Variants in ROBO1 observed in about 807,000 individuals in gnomAD.
ROBO1 encodes the protein roundabout guidance receptor 1.
A neutral mutation model predicts 195.9 loss-of-function variants in ROBO1; 149 were observed. The ratio of observed to expected loss-of-function variants is 0.76; its 90% CI spans 0.67 to 0.87. The LOEUF (loss-of-function observed/expected upper bound fraction) is 0.87. ROBO1 is among the 40% of genes least tolerant of loss of function. ROBO1 has a pLI of 0.00. For missense variants in ROBO1, 1,933 were observed against 2,068.3 expected, an observed-to-expected ratio of 0.93 and a Z score of 1.27; for synonymous variants, 816 against 733.2, an observed-to-expected ratio of 1.11 and a Z score of -1.82.
intron 2 of ROBO1, among the ~76,000 whole-genome samples, chr3:79,443,217 A>C (rs1249380853): frequency 3.9e-5 from 6 of 152,192 alleles, no homozygotes; most frequent in Non-Finnish European, 8.8e-5. Context: ...CCGAGGTTTA[A>C]GCCACTTGAA....
At chr3:78,933,759 T>A (rs1247523779) in intron 4 of ROBO1, among the ~76,000 whole-genome samples, 3 of 151,954 alleles carry the variant, frequency 2.0e-5, no homozygotes, top group Non-Finnish European at 4.4e-5. Context: ...AGTGGACAAA[T>A]ATAAATTGAA....
At chr3:79,133,742 TGGA>T (rs1216410798) in intron 2 of ROBO1, among the ~76,000 whole-genome samples, 2 of 121,388 alleles carry the variant, frequency 1.6e-5, no homozygotes, top group African/African-American at 6.5e-5. Flanking sequence ...TGCGTTCCTT[TGGA>T]GGAGGAGAGG....
intron 4 of ROBO1, among the ~76,000 whole-genome samples, chr3:78,799,240 A>T (rs1384244358): frequency 6.6e-6 from 1 of 152,056 alleles, no homozygotes; most frequent in Admixed American, 6.5e-5. Flanking sequence ...GACTTTAAAC[A>T]CTCAGTACCA....
intron 4 of ROBO1, among the ~76,000 whole-genome samples, chr3:78,866,643 A>C (rs2035200724): frequency 6.6e-6 from 1 of 152,190 alleles, no homozygotes; most frequent in Admixed American, 6.5e-5. Context: ...AGGTGACTAA[A>C]ATGAAATACA....
chr3:78,627,456 G>A lies in ROBO1; in HGVS notation c.3740C>T (p.Ala1247Val). Reference protein sequence around the residue: ...RGPTPPVRGAASSPAAVSYSH... With the variant: ...RGPTPPVRGAVSSPAAVSYSH... ...ATAGGACACGGCAGCTGGAGAAGAA[G>A]CTGCTCCCCGAACAGGGGGAGTGGG... Residue 1247 changes from alanine to valine, a missense_variant, in exon 26 of 31, where the codon GCT becomes GTT. This residue lies in a region of ROBO1 where 1,737 missense variants were observed against 1,882.5 expected (regional missense o/e 0.92). Coordinates refer to ENST00000464233, the MANE Select transcript of ROBO1 (RefSeq NM_002941.4). 6.2e-7 allele frequency: 1 copy of A among 1,613,090 alleles called. No individual in the cohort carries two copies. Among genetic ancestry groups the A allele is most frequent in the East Asian group, 2.2e-5 (1 of 44,732 alleles).
chr3:79,461,148 C>A (rs1301444015), intron 2 of ROBO1, among the ~76,000 whole-genome samples: 1 of 151,998 alleles, frequency 6.6e-6, no homozygotes, highest in Non-Finnish European at 1.5e-5. Context: ...TAAGTTGTAA[C>A]CAAAAGTCTG....
At chr3:79,038,376 G>T (rs963610843) in intron 3 of ROBO1, among the ~76,000 whole-genome samples, 3 of 152,144 alleles carry the variant, frequency 2.0e-5, no homozygotes, top group African/African-American at 7.2e-5. Context: ...GTCCATCTAT[G>T]ATTTGGTCTA....
At chr3:78,623,671 A>G (rs527400680) in intron 26 of ROBO1, among the ~76,000 whole-genome samples, 17 of 152,204 alleles carry the variant, frequency 1.1e-4, no homozygotes, top group Non-Finnish European at 2.5e-4. Context: ...GGCTGAAGCA[A>G]CAAGACCACT....
chr3:78,751,234 T>C (rs1365320147), intron 4 of ROBO1, among the ~76,000 whole-genome samples: 3 of 152,072 alleles, frequency 2.0e-5, no homozygotes, highest in Admixed American at 2.0e-4. Flanking sequence ...ATCTGCACTT[T>C]TTTGTTTTAG....
intron 2 of ROBO1, among the ~76,000 whole-genome samples, chr3:79,537,025 A>G (rs1941894683): frequency 8.5e-6 from 1 of 117,106 alleles, no homozygotes; most frequent in African/African-American, 3.2e-5. Flanking sequence ...TACTCACAGT[A>G]AAAGAAACAA....
rs576451161 is a variant in ROBO1, at chr3:79,244,345, T to C, written c.89-118806A>G. ...CAATGAAATAGTAAGTGAAAGGAAG[T>C]GACAAACAAAATTTCACACTGACAG... On this transcript the variant is annotated intron_variant, in intron 2 of 30. Transcript: ENST00000464233. Among the ~76,000 whole-genome samples the C allele has an allele frequency of 9.9e-4, 151 of 152,172 alleles. 1 individual carries two copies. The highest frequency in any genetic ancestry group is 3.0e-3 in the African/African-American group (125 of 41,542).
chr3:79,730,012 T>G (rs1313372213), intron 1 of ROBO1, among the ~76,000 whole-genome samples: 1 of 152,218 alleles, frequency 6.6e-6, no homozygotes. Flanking sequence ...ATTAGAGAGA[T>G]AATTATATTG....
At chr3:78,711,070 T>C (rs2081674497) in intron 8 of ROBO1, among the ~76,000 whole-genome samples, 1 of 152,182 alleles carries the variant, frequency 6.6e-6, no homozygotes, top group Non-Finnish European at 1.5e-5. Flanking sequence ...ATATTTAAAG[T>C]ATACAACATG....
At chr3:79,285,331 A>C (rs2031819756) in intron 2 of ROBO1, among the ~76,000 whole-genome samples, 1 of 152,210 alleles carries the variant, frequency 6.6e-6, no homozygotes, top group Admixed American at 6.5e-5. Flanking sequence ...GTTTTCCTTA[A>C]CGTATTGCTT....
rs138253452 is a variant in ROBO1, at chr3:79,589,817, C to A, written c.88+7G>T. The A allele has an allele frequency of 5.6e-4, 892 of 1,606,768 alleles. 7 individuals carry two copies. In the South Asian group the frequency reaches 7.8e-3, roughly 14 times the overall value. On this transcript the variant is annotated splice_region_variant and intron_variant, in intron 2 of 30. Coordinates refer to ENST00000464233, the MANE Select transcript of ROBO1 (RefSeq NM_002941.4). ...AAGTATTGATGAAACAAATGCACAG[C>A]ACTTACCTGGAATAAGCTGGGCCAG...
At chr3:79,565,826 A>C (rs775389399) in intron 2 of ROBO1, among the ~76,000 whole-genome samples, 15 of 152,124 alleles carry the variant, frequency 9.9e-5, no homozygotes, top group Non-Finnish European at 1.9e-4. Context: ...TAGTACTATC[A>C]ATGGAGAAAA....
At chr3:79,355,703 C>T (rs920439559) in intron 2 of ROBO1, among the ~76,000 whole-genome samples, 1 of 152,104 alleles carries the variant, frequency 6.6e-6, no homozygotes, top group South Asian at 2.1e-4. Flanking sequence ...AAATAATGCC[C>T]TCCAGGTTCA....
intron 1 of ROBO1, among the ~76,000 whole-genome samples, chr3:79,613,729 C>T (rs1051253472): frequency 6.6e-6 from 1 of 151,998 alleles, no homozygotes; most frequent in Admixed American, 6.6e-5. Flanking sequence ...ACTGGCTTTG[C>T]TTTGCCAAGG....
At chr3:79,029,837 C>T (rs928477188) in intron 3 of ROBO1, among the ~76,000 whole-genome samples, 2 of 152,166 alleles carry the variant, frequency 1.3e-5, no homozygotes, top group African/African-American at 2.4e-5. Context: ...ACAACATTGA[C>T]TATTTCTCCA....
Sources: gnomAD v4.1 joint callset for allele counts (sites outside exome capture counted in the v4.1 genomes callset) on GRCh38, gnomAD v4.1.1 for gene constraint, gnomAD v4.1.1 regional missense constraint, MANE v1.5 for transcripts, NCBI Gene and HGNC (gene_info 2026-07-23, HGNC 2026-07-21) for gene names.